The following OPRM1 variants were observed in gnomAD, a reference collection of about 807,000 sequenced individuals.
OPRM1 encodes opioid receptor mu 1, also known as mu-type opioid receptor.
Under a neutral mutation model 31.8 loss-of-function variants are expected in OPRM1, and 27 were observed. The ratio of observed to expected loss-of-function variants is 0.85; its 90% CI spans 0.63 to 1.17. The LOEUF (loss-of-function observed/expected upper bound fraction) is 1.17, where lower values mean the gene tolerates loss of function less well. Among genes scored for constraint, OPRM1 ranks in the 50% most tolerant of loss-of-function variants. The probability of loss-of-function intolerance (pLI) is 0.00; values close to 1 mark genes in which losing one functional copy is unlikely to be tolerated. For missense variants in OPRM1, 536 were observed against 511.1 expected (o/e 1.05, Z -0.47); for synonymous variants, 196 against 189.9 (o/e 1.03, Z -0.26).
chr6:154,213,776 T>C (rs114414794), intron 3 of OPRM1, among the ~76,000 whole-genome samples: 189 of 152,294 alleles, frequency 1.2e-3, no homozygotes, highest in African/African-American at 4.2e-3. Context: ...TGTGTCCCAG[T>C]ATGACCTTCA....
chr6:154,039,275 C>G lies in OPRM1; in HGVS notation c.-270C>G. 2 of 1,551,686 alleles carry G rather than the reference C, an allele frequency of 1.3e-6. No homozygotes were observed. Among genetic ancestry groups the G allele is most frequent in the Non-Finnish European group, 1.7e-6 (2 of 1,146,970 alleles). On this transcript the variant is annotated 5_prime_UTR_variant, in exon 1 of 4. Coordinates refer to ENST00000330432, the MANE Select transcript of OPRM1 (RefSeq NM_000914.5). ...TCCAGCCTCCGAATCCCGCATGGCCCACGCTCCCCTCCTGCAGCGGTGCGG... is the reference window on the plus strand; with the variant it reads ...TCCAGCCTCCGAATCCCGCATGGCCGACGCTCCCCTCCTGCAGCGGTGCGG...
intron 3 of OPRM1, among the ~76,000 whole-genome samples, chr6:154,106,585 TCA>T (rs746506611): frequency 5.0e-4 from 76 of 152,266 alleles, no homozygotes; most frequent in Non-Finnish European, 8.5e-4. Context: ...CTTTCATCAC[TCA>T]CACAGAATAT....
chr6:154,042,479 G>A (rs1376644496), intron 1 of OPRM1, among the ~76,000 whole-genome samples: 7 of 152,096 alleles, frequency 4.6e-5, no homozygotes, highest in African/African-American at 1.7e-4. Context: ...ATTATATTAA[G>A]GTAATATTTA....
At position 154,079,172 on chromosome 6, in the gene OPRM1, G is replaced by A. The variant is rs75117702; in HGVS notation, c.291-10654G>A. The stretch of plus-strand genomic sequence containing the variant: ...ACAAAAGGAATCCAAAACAGTAAGA[G>A]ATGTGACCTCTCGCCTGACTGGAAT... On this transcript the variant is annotated intron_variant, in intron 1 of 3. Transcript: ENST00000330432. Among the ~76,000 whole-genome samples, 777 of 152,302 alleles carry A rather than the reference G, an allele frequency of 5.1e-3. 6 individuals carry two copies. Among genetic ancestry groups the A allele is most frequent in the Non-Finnish European group, 6.7e-3 (458 of 68,026 alleles).
chr6:154,188,383 C>G (rs1562530688), intron 3 of OPRM1, among the ~76,000 whole-genome samples: 2 of 151,910 alleles, frequency 1.3e-5, no homozygotes, highest in Non-Finnish European at 2.9e-5. Context: ...GTAAAGAGAC[C>G]AATTTCATGT....
Position 154,120,958 on chromosome 6 carries a change from TAATA to T in OPRM1, c.*2243_*2246del, listed in dbSNP as rs1797265718. On this transcript the variant is annotated 3_prime_UTR_variant, in exon 4 of 4. Coordinates refer to ENST00000330432, the MANE Select transcript of OPRM1 (RefSeq NM_000914.5). Reference sequence around the variant, plus strand: ...TTAAAATAAGACATTCTAAAGTAAATAATAAATAAGGTCATTGTCAACGTTTTTC... The same window carrying T: ...TTAAAATAAGACATTCTAAAGTAAATAATAAGGTCATTGTCAACGTTTTTC... Among the ~76,000 whole-genome samples the T allele has an allele frequency of 6.6e-6, 1 of 152,128 alleles. No individual in the cohort carries two copies. Among genetic ancestry groups the T allele is most frequent in the Non-Finnish European group, 1.5e-5 (1 of 68,002 alleles).
chr6:154,207,367 C>T (rs947347034), intron 3 of OPRM1, among the ~76,000 whole-genome samples: 2 of 152,180 alleles, frequency 1.3e-5, no homozygotes, highest in African/African-American at 4.8e-5. Context: ...TTTCTGTCTA[C>T]CTTTTTCTTG....
intron 1 of OPRM1, among the ~76,000 whole-genome samples, chr6:154,019,835 G>T (rs1562371396): frequency 6.7e-6 from 1 of 148,338 alleles, no homozygotes; most frequent in Non-Finnish European, 1.5e-5. Context: ...CCGGGCTCAA[G>T]CAATCCCCCC....
intron 3 of OPRM1, among the ~76,000 whole-genome samples, chr6:154,096,503 T>G (rs1165629245): frequency 1.3e-5 from 2 of 152,090 alleles, no homozygotes; most frequent in Non-Finnish European, 2.9e-5. Context: ...GTTTTGCCAT[T>G]ACTTTCAATG....
At chr6:154,166,007 G>T (rs1251872145) in intron 3 of OPRM1, among the ~76,000 whole-genome samples, 1 of 152,246 alleles carries the variant, frequency 6.6e-6, no homozygotes, top group Non-Finnish European at 1.5e-5. Context: ...CCTCTCCATG[G>T]AGGAATGAAT....
chr6:154,141,856 C>T (rs576992214), intron 3 of OPRM1, among the ~76,000 whole-genome samples: 4 of 139,930 alleles, frequency 2.9e-5, no homozygotes, highest in East Asian at 2.0e-4. Context: ...AAGCAGTTCC[C>T]GGCTTGAATT....
At chr6:154,148,857 A>G (rs1363829315) in intron 3 of OPRM1, among the ~76,000 whole-genome samples, 1 of 152,216 alleles carries the variant, frequency 6.6e-6, no homozygotes, top group African/African-American at 2.4e-5. Context: ...TTTAGAAACC[A>G]GTGAGAACAT....
At chr6:154,093,290 G>C (rs1349974473) in intron 3 of OPRM1, 1 of 1,613,272 alleles carries the variant, frequency 6.2e-7, no homozygotes, top group Non-Finnish European at 8.5e-7. Flanking sequence ...TACCTTCCCT[G>C]TCTTGCTGGG....
chr6:154,230,881 A>G (rs2128626145), intron 3 of OPRM1, among the ~76,000 whole-genome samples: 1 of 152,316 alleles, frequency 6.6e-6, no homozygotes, highest in East Asian at 1.9e-4. Context: ...AGAAAAAAAA[A>G]CAGCTAAAAA....
At chr6:154,052,848 A>T (rs1345965249) in intron 1 of OPRM1, among the ~76,000 whole-genome samples, 1 of 152,220 alleles carries the variant, frequency 6.6e-6, no homozygotes, top group Non-Finnish European at 1.5e-5. Flanking sequence ...ATTAAAAATT[A>T]ACAAAAACCT....
At chr6:154,180,782 T>C (rs1383885948) in intron 3 of OPRM1, among the ~76,000 whole-genome samples, 1 of 152,214 alleles carries the variant, frequency 6.6e-6, no homozygotes, top group African/African-American at 2.4e-5. Context: ...TCATATGCCA[T>C]ATTTCTTATC....
rs556961897 is a variant in OPRM1 at position 154,160,456 on chromosome 6, G to A, written c.1164+68984G>A. ...CGTAACACTTTACCTAGGACATATG[G>A]CAACATAAAATATGTCTTTTAAGAT... is the stretch of plus-strand genomic sequence containing the variant. On this transcript the variant is annotated intron_variant, in intron 3 of 3. Coordinates refer to the OPRM1 transcript ENST00000337049. Among the ~76,000 whole-genome samples the A allele has an allele frequency of 2.4e-3, 359 of 152,140 alleles. 1 individual carries two copies. The highest frequency in any genetic ancestry group is 8.5e-3 in the African/African-American group (351 of 41,508).
intron 1 of OPRM1, among the ~76,000 whole-genome samples, chr6:154,031,887 C>A (rs1221682556): frequency 6.6e-6 from 1 of 152,090 alleles, no homozygotes; most frequent in Non-Finnish European, 1.5e-5. Flanking sequence ...TAGGAGCAAA[C>A]GGTGAGTATC....
At chr6:154,020,995 T>C (rs1778335016) in intron 1 of OPRM1, among the ~76,000 whole-genome samples, 1 of 152,226 alleles carries the variant, frequency 6.6e-6, no homozygotes, top group Non-Finnish European at 1.5e-5. Flanking sequence ...ATTTCCTTCA[T>C]CAATCATGCC....
Sources: gnomAD v4.1 joint callset for allele counts (sites outside exome capture counted in the v4.1 genomes callset) on GRCh38, gnomAD v4.1.1 for gene constraint, MANE v1.5 for transcripts, NCBI Gene and HGNC (gene_info 2026-07-23, HGNC 2026-07-21) for gene names.